Variants in ENTPD1 observed in about 807,000 individuals in gnomAD.
ENTPD1 encodes the protein ATP diphosphohydrolase.
ENTPD1 carries 33 observed loss-of-function variants against 57.0 expected under a neutral mutation model. The ratio of observed to expected loss-of-function variants is 0.58; its 90% CI spans 0.44 to 0.77. The LOEUF is 0.77. ENTPD1 is among the 30% of genes least tolerant of loss of function. The pLI, the probability that ENTPD1 is intolerant of heterozygous loss-of-function variation, is 0.00. For missense variants in ENTPD1, 501 were observed against 603.4 expected (o/e 0.83, Z 1.78); for synonymous variants, 202 against 218.8 (o/e 0.92, Z 0.68).
At chr10:95,756,462 G>T in intron 1 of ENTPD1, 1 of 613,812 alleles carries the variant, frequency 1.6e-6, no homozygotes, top group Non-Finnish European at 2.9e-6. Flanking sequence ...GTCAAGGGTG[G>T]CTCTAGAGCA....
Position 95,866,915 on chromosome 10 carries a change from A to T in ENTPD1, c.*532A>T. The stretch of plus-strand genomic sequence containing the variant: ...GGTAGGAGAATTTTCTACAGTAGGC[A>T]AATATGTGCTAAAGCCAAAGAGTTT... On this transcript the variant is annotated 3_prime_UTR_variant, in exon 10 of 10. Coordinates refer to ENST00000371205, the MANE Select transcript of ENTPD1 (RefSeq NM_001776.6). The T allele has an allele frequency of 9.8e-7, 1 of 1,019,170 alleles. No homozygotes were observed. The highest frequency in any genetic ancestry group is 1.2e-6 in the Non-Finnish European group (1 of 849,486). The allele number at this position is 1,019,170 out of a possible 1,614,324, so 63.1% of individuals were successfully genotyped here. A position where few individuals can be genotyped will look rare whatever the true frequency, so the allele number is the denominator to read the frequency against.
chr10:95,694,420 T>A, the ENTPD1 span, among the ~76,000 whole-genome samples: 1 of 101,920 alleles, frequency 9.8e-6, no homozygotes, highest in African/African-American at 4.2e-5. Flanking sequence ...TATGGCTTTT[T>A]TAAAAAAAAA....
intron 1 of ENTPD1, among the ~76,000 whole-genome samples, chr10:95,815,910 A>AT (rs1566188257): frequency 6.6e-6 from 1 of 152,230 alleles, no homozygotes; most frequent in Non-Finnish European, 1.5e-5. Context: ...CTAGGACTTT[A>AT]TAGGCGGCCA....
intron 1 of ENTPD1, among the ~76,000 whole-genome samples, chr10:95,715,887 C>T (rs2097970938): frequency 6.6e-6 from 1 of 152,154 alleles, no homozygotes; most frequent in Admixed American, 6.6e-5. Flanking sequence ...TTGTTTGTGA[C>T]AGGGTTTCAT....
rs117081076 is a variant in ENTPD1 at position 95,765,521 on chromosome 10, C to T, written c.16+9266C>T. Among the ~76,000 whole-genome samples, 699 of 152,256 alleles carry T rather than the reference C, an allele frequency of 4.6e-3. 5 individuals are homozygous for T. Among genetic ancestry groups the T allele is most frequent in the Middle Eastern group, 0.014 (4 of 294 alleles). On this transcript the variant is annotated intron_variant, in intron 1 of 9. Transcript: ENST00000371205. Reference sequence around the variant, plus strand: ...ATAAGTGTGAGCGTTTTTTTCTAGACTCTCAGTTATATTCCATTTCTTTAT... The same window carrying T: ...ATAAGTGTGAGCGTTTTTTTCTAGATTCTCAGTTATATTCCATTTCTTTAT...
At position 95,823,423 on chromosome 10, in the gene ENTPD1, G is replaced by A. The variant is rs1297284862; in HGVS notation, c.144+59G>A. On this transcript the variant is annotated intron_variant, in intron 2 of 9. Coordinates refer to ENST00000371205, the MANE Select transcript of ENTPD1 (RefSeq NM_001776.6). ...GTAAGAGGAGATCTGGGTGGGACAG[G>A]GGGAGGAGGGATAAGGTATGTAGAG... 5.0e-6 allele frequency: 8 copies of A among 1,609,892 alleles called. No individual in the cohort carries two copies. The African/African-American group carries it at 9.4e-5, about 19-fold the overall frequency.
chr10:95,796,204 C>T (rs2098225211), intron 1 of ENTPD1, among the ~76,000 whole-genome samples: 1 of 152,154 alleles, frequency 6.6e-6, no homozygotes, highest in Admixed American at 6.5e-5. Flanking sequence ...CTTTGCTGGG[C>T]TCTGGAGAGG....
chr10:95,857,102 C>G (rs988960727), intron 7 of ENTPD1, among the ~76,000 whole-genome samples: 2 of 151,382 alleles, frequency 1.3e-5, no homozygotes, highest in South Asian at 4.2e-4. Flanking sequence ...TAAATAAGAG[C>G]AAGATTCTGA....
chr10:95,720,069 A>G (rs2097975835), intron 1 of ENTPD1, among the ~76,000 whole-genome samples: 2 of 152,030 alleles, frequency 1.3e-5, no homozygotes, highest in South Asian at 4.1e-4. Context: ...GTACTCCTAA[A>G]ATTGGAGTAT....
At chr10:95,785,398 G>A (rs1484210917) in intron 1 of ENTPD1, among the ~76,000 whole-genome samples, 2 of 152,176 alleles carry the variant, frequency 1.3e-5, no homozygotes. Context: ...GTTGGTATTA[G>A]TACTTAATTT....
intron 2 of ENTPD1, among the ~76,000 whole-genome samples, chr10:95,827,209 T>C (rs1436062204): frequency 6.6e-6 from 1 of 152,114 alleles, no homozygotes; most frequent in African/African-American, 2.4e-5. Flanking sequence ...ATCCCAGCAC[T>C]TTGGGAGGCT....
chr10:95,701,807 A>G, the ENTPD1 span, among the ~76,000 whole-genome samples: 1 of 152,208 alleles, frequency 6.6e-6, no homozygotes, highest in Non-Finnish European at 1.5e-5. Context: ...AAATTAAGGG[A>G]AAAAATCACA....
intron 7 of ENTPD1, among the ~76,000 whole-genome samples, chr10:95,848,035 G>A (rs1295374651): frequency 1.3e-5 from 2 of 152,128 alleles, no homozygotes; most frequent in African/African-American, 2.4e-5. Flanking sequence ...CGGAATGGGG[G>A]AGGTCCCAAA....
intron 1 of ENTPD1, among the ~76,000 whole-genome samples, chr10:95,763,540 AT>A (rs1255436130): frequency 1.3e-5 from 2 of 152,216 alleles, no homozygotes; most frequent in Admixed American, 6.5e-5. Context: ...TTGGATATTT[AT>A]TAATCAATCC....
At chr10:95,808,313 G>T (rs1056568809) in intron 1 of ENTPD1, among the ~76,000 whole-genome samples, 14 of 152,124 alleles carry the variant, frequency 9.2e-5, no homozygotes, top group African/African-American at 3.4e-4. Context: ...TCCTGGATTT[G>T]GTTTGCCAGT....
chr10:95,727,693 A>G (rs1310328460), intron 1 of ENTPD1, among the ~76,000 whole-genome samples: 1 of 152,192 alleles, frequency 6.6e-6, no homozygotes, highest in African/African-American at 2.4e-5. Context: ...TTTACAACTA[A>G]TTGTGGAGTA....
intron 1 of ENTPD1, among the ~76,000 whole-genome samples, chr10:95,741,589 C>T (rs1026804998): frequency 6.6e-6 from 1 of 152,252 alleles, no homozygotes; most frequent in South Asian, 2.1e-4. Flanking sequence ...AAAATCGCAA[C>T]GTCTGTGAAA....
intron 2 of ENTPD1, among the ~76,000 whole-genome samples, chr10:95,834,766 C>G (rs891396378): frequency 6.6e-6 from 1 of 151,964 alleles, no homozygotes; most frequent in Non-Finnish European, 1.5e-5. Flanking sequence ...CACCAAGGCC[C>G]CTGCATTGGT....
intron 1 of ENTPD1, among the ~76,000 whole-genome samples, chr10:95,732,851 C>T (rs1259572500): frequency 6.6e-6 from 1 of 152,022 alleles, no homozygotes; most frequent in Non-Finnish European, 1.5e-5. Context: ...GGGTATGGGT[C>T]ACAGAGATCA....
Sources: gnomAD v4.1 joint callset for allele counts (sites outside exome capture counted in the v4.1 genomes callset) on GRCh38, gnomAD v4.1.1 for gene constraint, MANE v1.5 for transcripts, NCBI Gene and HGNC (gene_info 2026-07-23, HGNC 2026-07-21) for gene names.